MOB3B: variants seen among roughly 807,000 people sequenced by gnomAD.
MOB3B encodes MOB kinase activator 3B.
MOB3B carries 7 observed loss-of-function variants against 18.7 expected under a neutral mutation model. That is an observed-to-expected ratio of 0.37 (90% CI 0.21 to 0.70). The LOEUF (loss-of-function observed/expected upper bound fraction) is 0.70, where lower values mean the gene tolerates loss of function less well. Among genes scored for constraint, MOB3B ranks in the 30% least tolerant of loss-of-function variants. The pLI is 0.52. For missense variants in MOB3B, 253 were observed against 281.3 expected (o/e 0.90, Z 0.72); for synonymous variants, 111 against 99.9 (o/e 1.11, Z -0.66).
Position 27,335,823 on chromosome 9 carries a change from C to T in MOB3B, c.622-5207G>A, listed in dbSNP as rs554240857. 9.2e-5 allele frequency among the ~76,000 whole-genome samples: 14 copies of T among 152,320 alleles called. No individual in the cohort carries two copies. In the South Asian group the frequency reaches 2.7e-3, roughly 29 times the overall value. On this transcript the variant is annotated intron_variant, in intron 3 of 3. Coordinates refer to ENST00000262244, the MANE Select transcript of MOB3B (RefSeq NM_024761.5). The stretch of plus-strand genomic sequence containing the variant: ...TCCTCTTCCAGATTCCCTCAGTGCC[C>T]ATGACACCTTTCACACTGTTGTGCG...
chr9:27,425,754 G>C (rs951514399), intron 2 of MOB3B, among the ~76,000 whole-genome samples: 103 of 152,218 alleles, frequency 6.8e-4, no homozygotes, highest in African/African-American at 2.4e-3. Context: ...TCATTAGAAG[G>C]CATGAGGCTC....
At chr9:27,426,570 G>A (rs944022775) in intron 2 of MOB3B, among the ~76,000 whole-genome samples, 4 of 152,180 alleles carry the variant, frequency 2.6e-5, no homozygotes, top group African/African-American at 7.2e-5. Flanking sequence ...GCTCCAGAGC[G>A]TCATGGCCAT....
chr9:27,402,164 T>G (rs1220410213), intron 2 of MOB3B, among the ~76,000 whole-genome samples: 1 of 152,248 alleles, frequency 6.6e-6, no homozygotes, highest in Non-Finnish European at 1.5e-5. Context: ...CACATATTCC[T>G]GTGTCTGGCA....
chr9:27,361,477 G>A (rs762624338), intron 2 of MOB3B, among the ~76,000 whole-genome samples: 3 of 152,158 alleles, frequency 2.0e-5, no homozygotes, highest in Non-Finnish European at 2.9e-5. Flanking sequence ...ACAACCAGAG[G>A]CAAGAAGAGG....
At chr9:27,489,492 A>G (rs1438826388) in intron 1 of MOB3B, among the ~76,000 whole-genome samples, 1 of 152,190 alleles carries the variant, frequency 6.6e-6, no homozygotes, top group African/African-American at 2.4e-5. Context: ...AAATTTTCCA[A>G]AAATTCACTA....
At chr9:27,360,162 A>G (rs1821252990) in intron 2 of MOB3B, among the ~76,000 whole-genome samples, 1 of 152,150 alleles carries the variant, frequency 6.6e-6, no homozygotes, top group South Asian at 2.1e-4. Flanking sequence ...TATTAAATTG[A>G]TAATGTCCTC....
chr9:27,373,186 A>G (rs1821446755), intron 2 of MOB3B, among the ~76,000 whole-genome samples: 1 of 152,172 alleles, frequency 6.6e-6, no homozygotes, highest in South Asian at 2.1e-4. Flanking sequence ...GAAATTATTA[A>G]GCACTTCAAG....
chr9:27,373,326 C>T (rs1821448191), intron 2 of MOB3B, among the ~76,000 whole-genome samples: 1 of 152,190 alleles, frequency 6.6e-6, no homozygotes, highest in South Asian at 2.1e-4. Flanking sequence ...GTCATCCTTG[C>T]CAGATACAAC....
chr9:27,378,258 T>C (rs1229804237), intron 2 of MOB3B: 1 of 435,378 alleles, frequency 2.3e-6, no homozygotes, highest in Non-Finnish European at 4.8e-6. Context: ...CTGAAAAGAC[T>C]GTGTGTGACT....
Position 27,390,244 on chromosome 9 carries a change from C to T in MOB3B, c.419-31008G>A, listed in dbSNP as rs568783448. Among the ~76,000 whole-genome samples the T allele has an allele frequency of 9.9e-5, 15 of 152,002 alleles. No homozygotes were observed. The South Asian group carries it at 2.5e-3, about 25-fold the overall frequency. ...CTGAGATCACAGGTGTATGCCACCA[C>T]GCCTGGCTAATTATATATATTTTTG... On this transcript the variant is annotated intron_variant, in intron 2 of 3. Coordinates refer to ENST00000262244, the MANE Select transcript of MOB3B (RefSeq NM_024761.5).
intron 1 of MOB3B, among the ~76,000 whole-genome samples, chr9:27,514,345 C>CAAAAAAAAAAAA (rs34526085): frequency 5.7e-4 from 44 of 77,598 alleles, no homozygotes; most frequent in South Asian, 1.0e-3. Flanking sequence ...ACCACAAGCT[C>CAAAAAAAAAAAA]AAAAAAAAAA....
intron 2 of MOB3B, among the ~76,000 whole-genome samples, chr9:27,443,157 G>C (rs1166200738): frequency 2.6e-5 from 4 of 152,140 alleles, no homozygotes; most frequent in African/African-American, 9.7e-5. Flanking sequence ...TCCTGATGCT[G>C]CTGGTCTAGG....
At chr9:27,525,409 G>A (rs1405871044) in intron 1 of MOB3B, among the ~76,000 whole-genome samples, 1 of 152,136 alleles carries the variant, frequency 6.6e-6, no homozygotes, top group East Asian at 1.9e-4. Flanking sequence ...GCTTATACAT[G>A]CTCCCTAGAG....
intron 1 of MOB3B, among the ~76,000 whole-genome samples, chr9:27,463,651 C>A (rs1039725780): frequency 6.6e-6 from 1 of 152,154 alleles, no homozygotes; most frequent in Non-Finnish European, 1.5e-5. Context: ...TTATGAATCT[C>A]AGTTTTGTCT....
intron 2 of MOB3B, among the ~76,000 whole-genome samples, chr9:27,426,971 C>T (rs906752029): frequency 6.6e-5 from 10 of 152,176 alleles, no homozygotes; most frequent in African/African-American, 1.9e-4. Context: ...GATGAATCTG[C>T]AAGCACACAC....
chr9:27,493,754 C>A (rs932329353), intron 1 of MOB3B, among the ~76,000 whole-genome samples: 3 of 152,062 alleles, frequency 2.0e-5, no homozygotes, highest in African/African-American at 7.3e-5. Context: ...GGATGTATAT[C>A]GCCTCAGGAC....
rs201903422 is a variant in MOB3B at position 27,482,632 on chromosome 9, A to T, written c.-198-26884T>A. 5.3e-5 allele frequency among the ~76,000 whole-genome samples: 8 copies of T among 151,582 alleles called. No homozygotes were observed. In the East Asian group the frequency reaches 1.6e-3, roughly 31 times the overall value. Reference sequence around the variant, plus strand: ...GTTGCATCTCAACCTCTGCCTCTACACCATTGCCCGTGCTGGTGGCCTGCC... The same window carrying T: ...GTTGCATCTCAACCTCTGCCTCTACTCCATTGCCCGTGCTGGTGGCCTGCC... On this transcript the variant is annotated intron_variant, in intron 1 of 3. Coordinates refer to ENST00000262244, the MANE Select transcript of MOB3B (RefSeq NM_024761.5).
intron 1 of MOB3B, among the ~76,000 whole-genome samples, chr9:27,525,447 G>A (rs558425259): frequency 1.3e-5 from 2 of 152,192 alleles, no homozygotes; most frequent in Non-Finnish European, 2.9e-5. Context: ...TCCCCCTCCT[G>A]CTCGGGGGGA....
intron 2 of MOB3B, among the ~76,000 whole-genome samples, chr9:27,453,891 G>T (rs951149238): frequency 2.6e-5 from 4 of 152,154 alleles, no homozygotes; most frequent in Non-Finnish European, 5.9e-5. Context: ...CCACTCTGAG[G>T]TGCTTAATAT....
Sources: gnomAD v4.1 joint callset for allele counts (sites outside exome capture counted in the v4.1 genomes callset) on GRCh38, gnomAD v4.1.1 for gene constraint, MANE v1.5 for transcripts, NCBI Gene and HGNC (gene_info 2026-07-23, HGNC 2026-07-21) for gene names.